Variants in COG8 observed in about 807,000 individuals in gnomAD.
COG8 encodes the protein component of oligomeric golgi complex 8.
A neutral mutation model predicts 46.5 loss-of-function variants in COG8; 45 were observed. The ratio of observed to expected loss-of-function variants is 0.97; its 90% CI spans 0.76 to 1.24. The LOEUF is 1.24. COG8 is among the 50% of genes most tolerant of loss of function. The probability of loss-of-function intolerance (pLI) is 0.00; values close to 1 mark genes in which losing one functional copy is unlikely to be tolerated. For missense variants in COG8, 793 were observed against 820.8 expected, an observed-to-expected ratio of 0.97 and a Z score of 0.41; for synonymous variants, 407 against 347.8, an observed-to-expected ratio of 1.17 and a Z score of -1.90.
At chr16:69,330,671 T>C in intron 5 of COG8, 142 bp downstream of exon 5, 1 of 1,392,280 alleles carries the variant, frequency 7.2e-7, no homozygotes, top group Non-Finnish European at 9.3e-7. Context: ...CGCGACTGGA[T>C]CCCCGCCTTC....
At chr16:69,330,255 G>A (rs2011686745) in intron 5 of COG8, 3 of 1,436,240 alleles carry the variant, frequency 2.1e-6, no homozygotes, top group Admixed American at 3.0e-5. Flanking sequence ...ACGCAGCGCC[G>A]CCGCCGCATC....
At chr16:69,329,932 C>T (rs1965733230) in intron 5 of COG8, 5 of 1,453,388 alleles carry the variant, frequency 3.4e-6, no homozygotes, top group Non-Finnish European at 4.5e-6. Context: ...CTTCTGCGCT[C>T]TCGCGGAGTC....
At position 69,330,850 on chromosome 16, in the gene COG8, C is replaced by A. The variant is rs935103296; in HGVS notation, c.1828G>T (p.Val610Leu). Reference sequence around the variant, plus strand: ...GCAGGGGACGCCGGCTAGGGCCCCACGCTGGGCGGTTCGGCCTGCGTCTCC... The same window carrying A: ...GCAGGGGACGCCGGCTAGGGCCCCAAGCTGGGCGGTTCGGCCTGCGTCTCC... ...RAETQAEPPSVGP is the reference protein window; with the variant it reads ...RAETQAEPPSLGP Residue 610 changes from valine to leucine, a missense_variant, in exon 5 of 6, where the codon GTG becomes TTG. Coordinates refer to ENST00000306875, the MANE Select transcript of COG8 (RefSeq NM_032382.5). 12 of 1,539,970 alleles carry A rather than the reference C, an allele frequency of 7.8e-6. No individual in the cohort carries two copies. The highest frequency in any genetic ancestry group is 9.6e-6 in the Non-Finnish European group (11 of 1,145,152).
In COG8 at chr16:69,339,291, T is replaced by C. The variant is rs746486650; in HGVS notation, c.262A>G (p.Lys88Glu). 3.1e-6 allele frequency: 5 copies of C among 1,612,288 alleles called. No individual in the cohort carries two copies. Among genetic ancestry groups the C allele is most frequent in the Non-Finnish European group, 4.2e-6 (5 of 1,179,674 alleles). The change falls in exon 1 of 6, where the codon AAG becomes GAG. Residue 88 changes from lysine (K) to glutamate (E), a missense_variant. By Grantham distance (56) the Lys-to-Glu change is moderately conservative. Coordinates refer to ENST00000306875, the MANE Select transcript of COG8 (RefSeq NM_032382.5). ...CACTCGGCGCCGCGGATGAAGGTCT[T>C]GTAGTTAGCGAAGGCCAAGTCGCGC... ...QTRDLAFANYKTFIRGAECTE... is the reference protein window; with the variant it reads ...QTRDLAFANYETFIRGAECTE...
intron 4 of COG8, among the ~76,000 whole-genome samples, chr16:69,332,110 T>A (rs2011902232): frequency 6.6e-6 from 1 of 152,100 alleles, no homozygotes; most frequent in Non-Finnish European, 1.5e-5. Context: ...TCCGAGCACT[T>A]TGGGAGGCCG....
intron 5 of COG8, 41 bp from the exon 6 acceptor site, chr16:69,329,220 A>T (rs2143299469): frequency 1.3e-6 from 2 of 1,530,592 alleles, no homozygotes; most frequent in South Asian, 1.2e-5. Flanking sequence ...GGAACAGCTG[A>T]ACTGCATCAT....
At position 69,334,447 on chromosome 16, in the gene COG8, G is replaced by C. The variant is rs1477688321; in HGVS notation, c.1413+74C>G. On this transcript the variant is annotated intron_variant, in intron 3 of 5. Transcript: ENST00000306875. ...TCAGCAGACACCGTCAAATAGACGG[G>C]TTTATTACAAAAATCTGGCCACCCA... 2.3e-6 allele frequency: 3 copies of C among 1,294,104 alleles called. No homozygotes were observed. The African/African-American group carries it at 4.4e-5, about 19-fold the overall frequency. 80.2% of individuals were successfully genotyped at this position (1,294,104 alleles called of 1,614,324 possible). A position where few individuals can be genotyped will look rare whatever the true frequency, so the allele number is the denominator to read the frequency against.
rs781067037 is a variant in COG8 at position 69,332,744 on chromosome 16, A to G, written c.1552T>C (p.Phe518Leu). 22 of 1,614,108 alleles carry G rather than the reference A, an allele frequency of 1.4e-5. 1 individual carries two copies. The South Asian group carries it at 2.2e-4, about 16-fold the overall frequency. The change falls in exon 4 of 6, where the codon TTT (phenylalanine) becomes CTT (leucine). Residue 518 changes from phenylalanine (F) to leucine (L), a missense_variant. Physicochemically the swap from Phe to Leu is conservative, Grantham distance 22. Transcript: ENST00000306875. ...GTCTGTGCTATCTGAGCTGGTGGAA[A>G]AAGGACTTGGAGACAGCGATTTAAA... ...PYLNRCLQVL[F>L]PPAQIAQTLG...
intron 3 of COG8, 58 bp from the exon 4 acceptor site, chr16:69,332,940 T>C: frequency 6.3e-7 from 1 of 1,580,768 alleles, no homozygotes; most frequent in South Asian, 1.1e-5. Flanking sequence ...GGGACAGCAG[T>C]GCATGAAACT....
intron 1 of COG8, chr16:69,338,607 G>C (rs1188281779): frequency 1.3e-5 from 2 of 153,458 alleles, no homozygotes; most frequent in Non-Finnish European, 2.9e-5. Flanking sequence ...GGAGGGACGT[G>C]CTTCTGGGTA....
chr16:69,331,439 G>C (rs1288272161), intron 4 of COG8, among the ~76,000 whole-genome samples: 1 of 86,778 alleles, frequency 1.2e-5, no homozygotes, highest in Admixed American at 1.9e-4. Flanking sequence ...GGCCACAAGA[G>C]CAAAACTCCG....
chr16:69,329,700 C>T (rs1487203477), intron 5 of COG8, among the ~76,000 whole-genome samples: 4 of 152,218 alleles, frequency 2.6e-5, no homozygotes, highest in African/African-American at 9.6e-5. Flanking sequence ...TCCACCGTGG[C>T]GGATCTAACT....
chr16:69,328,818 A>C lies in COG8; in HGVS notation c.*388T>G. 1 of 644,286 alleles carries C rather than the reference A, an allele frequency of 1.6e-6. No homozygotes were observed. Among genetic ancestry groups the C allele is most frequent in the Non-Finnish European group, 2.5e-6 (1 of 394,648 alleles). The allele number at this position is 644,286 out of a possible 1,614,324, so 39.9% of individuals were successfully genotyped here. On this transcript the variant is annotated 3_prime_UTR_variant, in exon 6 of 6. Transcript: ENST00000306875. ...TCCTTTGGGGGTGATTTTTCTCCTC[A>C]AGTTGTAGCCAACATTTTGTCCGTA... is the stretch of plus-strand genomic sequence containing the variant.
At chr16:69,331,671 T>A (rs1401973142) in intron 4 of COG8, among the ~76,000 whole-genome samples, 1 of 151,636 alleles carries the variant, frequency 6.6e-6, no homozygotes, top group Non-Finnish European at 1.5e-5. Context: ...CCAGGCTAAT[T>A]TTTGTATTTT....
rs905292230 is a variant in COG8, at chr16:69,328,056, C to T, written c.*1150G>A. The T allele has an allele frequency of 6.6e-6, 1 of 152,180 alleles. No homozygotes were observed. The highest frequency in any genetic ancestry group is 1.5e-5 in the Non-Finnish European group (1 of 68,060). The allele number at this position is 152,180 out of a possible 1,614,324, so 9.4% of individuals were successfully genotyped here. ...CTCCGCCTCCTGGGTTCAAGTAATT[C>T]TCTGCCTTGGCTTCACGAGTAGCTG... On this transcript the variant is annotated 3_prime_UTR_variant, in exon 6 of 6. Transcript: ENST00000306875.
At chr16:69,329,891 T>C in intron 5 of COG8, 1 of 1,338,320 alleles carries the variant, frequency 7.5e-7, no homozygotes, top group South Asian at 1.5e-5. Context: ...ACTTCGCTCC[T>C]GCGGGAGGTC....
rs201091389 is a variant in COG8, at chr16:69,336,589, C to G, written c.501G>C (p.Arg167=). 6.2e-7 allele frequency: 1 copy of G among 1,614,160 alleles called. No individual in the cohort carries two copies. The highest frequency in any genetic ancestry group is 2.2e-5 in the East Asian group (1 of 44,892). ...EIPQLMDTCV[R]NSYYEEALEL... is the part of the protein sequence containing the mutation. ...CCAGGGCCTCTTCATAATAACTGTTCCGGACACAGGTGTCCATGAGCTGAG... is the reference window on the plus strand; with the variant it reads ...CCAGGGCCTCTTCATAATAACTGTTGCGGACACAGGTGTCCATGAGCTGAG... Residue 167 remains arginine, a synonymous_variant, in exon 2 of 6, where the codon CGG becomes CGC. Coordinates refer to ENST00000306875, the MANE Select transcript of COG8 (RefSeq NM_032382.5).
In COG8 at chr16:69,332,710, T is replaced by C. The variant is rs889540830; in HGVS notation, c.1582+4A>G. ...GGCAGTTTACAGAATTTTCATTCTC[T>C]TACCTAAAGTCTGTGCTATCTGAGC... is the stretch of plus-strand genomic sequence containing the variant. On this transcript the variant is annotated splice_donor_region_variant and intron_variant, in intron 4 of 5. Coordinates refer to ENST00000306875, the MANE Select transcript of COG8 (RefSeq NM_032382.5). 2 of 1,613,154 alleles carry C rather than the reference T, an allele frequency of 1.2e-6. No individual in the cohort carries two copies. The highest frequency in any genetic ancestry group is 2.2e-5 in the South Asian group (2 of 91,064).
chr16:69,330,750 AC>A, intron 5 of COG8, 62 bp downstream of exon 5: 1 of 1,435,482 alleles, frequency 7.0e-7, no homozygotes, highest in Non-Finnish European at 9.1e-7. Flanking sequence ...CGCCTCCCGA[AC>A]CCGCCCCGGA....
Sources: gnomAD v4.1 joint callset for allele counts (sites outside exome capture counted in the v4.1 genomes callset) on GRCh38, gnomAD v4.1.1 for gene constraint, MANE v1.5 for transcripts, NCBI Gene and HGNC (gene_info 2026-07-23, HGNC 2026-07-21) for gene names.